The following RRAGD variants were observed in gnomAD, a reference collection of about 807,000 sequenced individuals.
The protein encoded by RRAGD is ras-related GTP-binding protein D.
In RRAGD, 12 loss-of-function variants were observed where a neutral mutation model predicts 35.5. That is an observed-to-expected ratio of 0.34 (90% confidence interval 0.22 to 0.55). The LOEUF is 0.55. Among genes scored for constraint, RRAGD ranks in the 20% least tolerant of loss-of-function variants. The pLI, the probability that RRAGD is intolerant of heterozygous loss-of-function variation, is 0.91. For missense variants in RRAGD, 324 were observed against 490.1 expected, an observed-to-expected ratio of 0.66 and a Z score of 3.20; for synonymous variants, 155 against 178.9, an observed-to-expected ratio of 0.87 and a Z score of 1.07.
intron 1 of RRAGD, among the ~76,000 whole-genome samples, chr6:89,395,816 A>C (rs550200505): frequency 1.3e-5 from 2 of 152,328 alleles, no homozygotes; most frequent in African/African-American, 4.8e-5. Flanking sequence ...GTAAAGACAG[A>C]CAAATAGACA....
intron 1 of RRAGD, among the ~76,000 whole-genome samples, chr6:89,397,912 C>G (rs1194135444): frequency 6.6e-5 from 10 of 152,170 alleles, no homozygotes; most frequent in Non-Finnish European, 2.9e-5. Context: ...TGTGGGAGGC[C>G]AAGGTGGGTG....
At position 89,412,101 on chromosome 6, in the gene RRAGD, G is replaced by A. The variant is rs1469274019; in HGVS notation, c.-108C>T. The A allele has an allele frequency of 1.2e-5, 13 of 1,075,130 alleles. 1 individual carries two copies. In the Middle Eastern group the frequency reaches 1.6e-3, roughly 136 times the overall value. 66.6% of individuals were successfully genotyped at this position (1,075,130 alleles called of 1,614,324 possible). On this transcript the variant is annotated 5_prime_UTR_variant, in exon 1 of 7. Transcript: ENST00000369415. This position sits in a 1 kb window ranked among gnomAD's most constrained non-coding sequence, Gnocchi z 4.2. ...TTTCTGAAGCGGAGGTTTGTCTAGAGCTCAGCGGGGCCCGGCGGAAGCGGG... is the reference window on the plus strand; with the variant it reads ...TTTCTGAAGCGGAGGTTTGTCTAGAACTCAGCGGGGCCCGGCGGAAGCGGG...
chr6:89,411,512 A>T lies in RRAGD; in HGVS notation c.148+334T>A. 3.5e-6 allele frequency: 1 copy of T among 284,654 alleles called. No homozygotes were observed. The highest frequency in any genetic ancestry group is 6.7e-6 in the Non-Finnish European group (1 of 148,916). 17.6% of individuals were successfully genotyped at this position (284,654 alleles called of 1,614,324 possible). A position where few individuals can be genotyped will look rare whatever the true frequency, so the allele number is the denominator to read the frequency against. Reference sequence around the variant, plus strand: ...GCGCCCGCGGTCCCCTCCCCTCCCCAACCGCCAGACGCTGCGGAGAGCTTG... The same window carrying T: ...GCGCCCGCGGTCCCCTCCCCTCCCCTACCGCCAGACGCTGCGGAGAGCTTG... On this transcript the variant is annotated intron_variant, in intron 1 of 6. Coordinates refer to ENST00000369415, the MANE Select transcript of RRAGD (RefSeq NM_021244.5). This position sits in a 1 kb window ranked among gnomAD's most constrained non-coding sequence, Gnocchi z 5.6.
At chr6:89,370,477 C>T (rs1186680269) in intron 6 of RRAGD, among the ~76,000 whole-genome samples, 1 of 152,156 alleles carries the variant, frequency 6.6e-6, no homozygotes, top group East Asian at 1.9e-4. Context: ...ATATTCTCTT[C>T]GCAGCATAAA....
intron 5 of RRAGD, among the ~76,000 whole-genome samples, chr6:89,373,668 T>C (rs1265616922): frequency 1.3e-5 from 2 of 151,418 alleles, no homozygotes; most frequent in Admixed American, 1.3e-4. Context: ...AAAGGTGTGG[T>C]GTGCAGACAC....
At chr6:89,403,117 C>T (rs917897833) in intron 1 of RRAGD, among the ~76,000 whole-genome samples, 7 of 152,166 alleles carry the variant, frequency 4.6e-5, no homozygotes, top group African/African-American at 7.2e-5. Context: ...AGACAGATCT[C>T]ATGTTAGGTG....
chr6:89,395,345 G>T (rs1769313926), intron 1 of RRAGD, among the ~76,000 whole-genome samples: 1 of 152,136 alleles, frequency 6.6e-6, no homozygotes, highest in African/African-American at 2.4e-5. Flanking sequence ...TTGAGCCCAG[G>T]GGTTTGAGAA....
At chr6:89,410,329 T>C (rs543293670) in intron 1 of RRAGD, among the ~76,000 whole-genome samples, 1 of 152,290 alleles carries the variant, frequency 6.6e-6, no homozygotes, top group African/African-American at 2.4e-5. Flanking sequence ...GTGTCCACCA[T>C]TTCAAATACC....
chr6:89,406,192 G>C (rs913832227), intron 1 of RRAGD, among the ~76,000 whole-genome samples: 8 of 152,122 alleles, frequency 5.3e-5, no homozygotes, highest in Non-Finnish European at 1.0e-4. Context: ...CTAATGATAA[G>C]GGGAGTGCTG....
At chr6:89,404,037 TACAC>T (rs2127898107) in intron 1 of RRAGD, among the ~76,000 whole-genome samples, 1 of 152,350 alleles carries the variant, frequency 6.6e-6, no homozygotes, top group East Asian at 1.9e-4. Context: ...TATGGGTTAT[TACAC>T]ACGTGCTTGA....
chr6:89,387,878 C>T (rs992595407), intron 1 of RRAGD, among the ~76,000 whole-genome samples: 1 of 152,060 alleles, frequency 6.6e-6, no homozygotes, highest in African/African-American at 2.4e-5. Flanking sequence ...GGAGGCCAGA[C>T]ACCAATATAA....
chr6:89,404,941 T>G (rs17800134), intron 1 of RRAGD, among the ~76,000 whole-genome samples: 1 of 152,206 alleles, frequency 6.6e-6, no homozygotes, highest in Non-Finnish European at 1.5e-5. Flanking sequence ...AGATATCATA[T>G]GAAATGCACT....
intron 2 of RRAGD, among the ~76,000 whole-genome samples, chr6:89,386,541 C>A (rs1478042751): frequency 6.6e-6 from 1 of 152,196 alleles, no homozygotes; most frequent in Non-Finnish European, 1.5e-5. Flanking sequence ...TGTTGTTAAA[C>A]TACTAAAAAT....
At position 89,408,539 on chromosome 6, in the gene RRAGD, G is replaced by T. The variant is rs1468557441; in HGVS notation, c.148+3307C>A. On this transcript the variant is annotated intron_variant, in intron 1 of 6. Transcript: ENST00000369415. ...AACTAATGATTAATACATATGAATT[G>T]CTGGATTCACCCCATCTACATCCTT... Among the ~76,000 whole-genome samples the T allele has an allele frequency of 3.3e-5, 5 of 152,212 alleles. No homozygotes were observed. In the East Asian group the frequency reaches 9.7e-4, roughly 29 times the overall value.
chr6:89,377,568 G>A, intron 5 of RRAGD, 103 bp downstream of exon 5: 1 of 1,072,836 alleles, frequency 9.3e-7, no homozygotes, highest in East Asian at 2.7e-5. Context: ...AGTCATTTAA[G>A]ACAAAAATGT....
At chr6:89,405,961 G>A (rs1390565693) in intron 1 of RRAGD, among the ~76,000 whole-genome samples, 3 of 152,112 alleles carry the variant, frequency 2.0e-5, no homozygotes, top group East Asian at 1.9e-4. Context: ...CAAAAATCAC[G>A]AAGATTCACT....
chr6:89,399,899 C>T (rs1167624156), intron 1 of RRAGD, among the ~76,000 whole-genome samples: 4 of 151,914 alleles, frequency 2.6e-5, no homozygotes, highest in South Asian at 2.1e-4. Flanking sequence ...CCACCATTCC[C>T]GGTCTGGGTG....
At chr6:89,400,450 C>T (rs923091170) in intron 1 of RRAGD, among the ~76,000 whole-genome samples, 1 of 152,006 alleles carries the variant, frequency 6.6e-6, no homozygotes, top group Non-Finnish European at 1.5e-5. Flanking sequence ...TCTTATATAT[C>T]GGAAATGGAC....
intron 1 of RRAGD, among the ~76,000 whole-genome samples, chr6:89,398,226 G>A (rs1555404): frequency 0.26 from 39,024 of 152,078 alleles, 5,490 homozygotes; most frequent in African/African-American, 0.36. Context: ...ATGGGAAAAC[G>A]TTTGGAAGTG....
Sources: allele counts gnomAD v4.1 joint callset (sites outside exome capture counted in the v4.1 genomes callset), GRCh38; gene constraint gnomAD v4.1.1; non-coding constraint Gnocchi (gnomAD v3.1); transcripts MANE v1.5; gene names NCBI Gene and HGNC (gene_info 2026-07-23, HGNC 2026-07-21).